The following ELP2 variants were observed in gnomAD, a reference collection of about 807,000 sequenced individuals.
The protein encoded by ELP2 is elongator complex protein 2.
A neutral mutation model predicts 119.2 loss-of-function variants in ELP2; 90 were observed. The observed-to-expected ratio is 0.75, with a 90% confidence interval of 0.64 to 0.90. The LOEUF is 0.90. Ranked by LOEUF, ELP2 falls within the 40% of genes least tolerant of loss-of-function variation. The pLI, the probability that ELP2 is intolerant of heterozygous loss-of-function variation, is 0.00. For missense variants in ELP2, 921 were observed against 967.8 expected (o/e 0.95, Z 0.64); for synonymous variants, 339 against 331.0 (o/e 1.02, Z -0.26).
intron 12 of ELP2, 93 bp downstream of exon 12, chr18:36,155,092 A>G (rs2090525847): frequency 1.2e-5 from 13 of 1,062,186 alleles, no homozygotes; most frequent in Non-Finnish European, 1.8e-5. Context: ...AGCTCACTGC[A>G]GCCTCCGCCA....
chr18:36,157,361 AC>A (rs1232025745), intron 13 of ELP2, among the ~76,000 whole-genome samples: 1 of 152,164 alleles, frequency 6.6e-6, no homozygotes, highest in East Asian at 1.9e-4. Flanking sequence ...AAGGATAAGT[AC>A]CCTTTTGATA....
chr18:36,139,530 T>C (rs1433828685), intron 5 of ELP2: 1 of 1,535,630 alleles, frequency 6.5e-7, no homozygotes, highest in East Asian at 2.4e-5. Flanking sequence ...GCTTCCATTC[T>C]GTGCAAGGCT....
rs1195131906 is a variant in ELP2, at chr18:36,180,236, C to CT, written c.*5598dup. The CT allele has an allele frequency of 6.6e-6, 1 of 152,218 alleles. No individual in the cohort carries two copies. The allele number at this position is 152,218 out of a possible 1,614,324, so 9.4% of individuals were successfully genotyped here. A position where few individuals can be genotyped will look rare whatever the true frequency, so the allele number is the denominator to read the frequency against. ...GGCATGAAGAAAGGCCTGCCCCTGA[C>CT]TTTAAAAACATTTCTTGGAAGTCCC... is the stretch of plus-strand genomic sequence containing the variant. On this transcript the variant is annotated 3_prime_UTR_variant, in exon 22 of 22. Coordinates refer to ENST00000358232, the MANE Select transcript of ELP2 (RefSeq NM_018255.4).
intron 21 of ELP2, among the ~76,000 whole-genome samples, chr18:36,172,307 G>A (rs1383343334): frequency 6.6e-6 from 1 of 152,102 alleles, no homozygotes; most frequent in African/African-American, 2.4e-5. Flanking sequence ...ATATCATTCT[G>A]TGTTATATTT....
chr18:36,167,125 T>A lies in ELP2; in HGVS notation c.1979T>A (p.Phe660Tyr). The change falls in exon 19 of 22, where the codon TTC becomes TAC. Residue 660 changes from phenylalanine (F) to tyrosine (Y), a missense_variant. Physicochemically the swap from Phe to Tyr is conservative, Grantham distance 22. Coordinates refer to ENST00000358232, the MANE Select transcript of ELP2 (RefSeq NM_018255.4). ...GAGCCAGTTTTTAGTCTTTTTGCCTTCACCAACAAAATTACTTCTGTGCAC... is the reference window on the plus strand; with the variant it reads ...GAGCCAGTTTTTAGTCTTTTTGCCTACACCAACAAAATTACTTCTGTGCAC... ...EFEPVFSLFA[F>Y]TNKITSVHSR... 1 of 1,599,776 alleles carries A rather than the reference T, an allele frequency of 6.3e-7. No homozygotes were observed. The highest frequency in any genetic ancestry group is 8.5e-7 in the Non-Finnish European group (1 of 1,173,328).
chr18:36,142,393 G>C, intron 7 of ELP2, 46 bp downstream of exon 7: 1 of 1,457,918 alleles, frequency 6.9e-7, no homozygotes, highest in Non-Finnish European at 9.6e-7. Flanking sequence ...GAACAAATAT[G>C]TGTTACTTCC....
In ELP2 at chr18:36,154,328, T is replaced by G. The variant is rs577726362; in HGVS notation, c.1126-522T>G. On this transcript the variant is annotated intron_variant, in intron 11 of 21. Coordinates refer to ENST00000358232, the MANE Select transcript of ELP2 (RefSeq NM_018255.4). ...GTGAACCAACTAGGTTTGATTCAGTTGTCTGTCCTCTACACCTGTAACTCT... is the reference window on the plus strand; with the variant it reads ...GTGAACCAACTAGGTTTGATTCAGTGGTCTGTCCTCTACACCTGTAACTCT... Among the ~76,000 whole-genome samples, 4 of 152,280 alleles carry G rather than the reference T, an allele frequency of 2.6e-5. No homozygotes were observed. The East Asian group carries it at 7.7e-4, about 29-fold the overall frequency.
intron 11 of ELP2, among the ~76,000 whole-genome samples, chr18:36,149,483 G>GTTTTTTTTTTTTTTTTTTTTTTT (rs561853812): frequency 9.8e-6 from 1 of 101,816 alleles, no homozygotes; most frequent in Non-Finnish European, 1.9e-5. Flanking sequence ...TTTTTGTTTT[G>GTTTTTTTTTTTTTTTTTTTTTTT]TTTTGTTTTT....
chr18:36,150,543 C>T (rs78392054), intron 11 of ELP2, among the ~76,000 whole-genome samples: 8,205 of 152,232 alleles, frequency 0.054, 283 homozygotes, highest in East Asian at 0.097. Flanking sequence ...TGGAAATACT[C>T]TAGTCCAAAC....
intron 21 of ELP2, among the ~76,000 whole-genome samples, chr18:36,172,251 A>G (rs943661076): frequency 6.6e-6 from 1 of 152,182 alleles, no homozygotes; most frequent in African/African-American, 2.4e-5. Context: ...TGGGTGAGTG[A>G]GAGCCTGTCC....
At chr18:36,141,072 A>T in intron 5 of ELP2, 65 bp from the exon 6 acceptor site, 1 of 1,275,658 alleles carries the variant, frequency 7.8e-7, no homozygotes. Context: ...AATCCAGTAC[A>T]GTTGATAAAT....
rs543067334 is a variant in ELP2, at chr18:36,162,439, T to G, written c.1761+1435T>G. Among the ~76,000 whole-genome samples, 3 of 152,340 alleles carry G rather than the reference T, an allele frequency of 2.0e-5. No homozygotes were observed. In the East Asian group the frequency reaches 5.8e-4, roughly 29 times the overall value. Reference sequence around the variant, plus strand: ...GCTGAGTAGTTTTACTTTGTACAGATGTACCACCATTTGTTGATCCATTCA... The same window carrying G: ...GCTGAGTAGTTTTACTTTGTACAGAGGTACCACCATTTGTTGATCCATTCA... On this transcript the variant is annotated intron_variant, in intron 17 of 21. Coordinates refer to ENST00000358232, the MANE Select transcript of ELP2 (RefSeq NM_018255.4).
chr18:36,143,140 G>A (rs1001466919), intron 8 of ELP2, among the ~76,000 whole-genome samples, 174 bp downstream of exon 8: 3 of 150,162 alleles, frequency 2.0e-5, no homozygotes, highest in Non-Finnish European at 3.0e-5. Flanking sequence ...TCTTCACCTC[G>A]GCTGGAGTGC....
chr18:36,168,968 A>G lies in ELP2; in HGVS notation c.2077-1095A>G, dbSNP rs370215398. Among the ~76,000 whole-genome samples, 92 of 113,332 alleles carry G rather than the reference A, an allele frequency of 8.1e-4. 3 individuals carry two copies. In the South Asian group the frequency reaches 0.027, roughly 33 times the overall value. 74.4% of individuals were successfully genotyped at this position (113,332 alleles called of 152,430 possible). On this transcript the variant is annotated intron_variant, in intron 19 of 21. Coordinates refer to ENST00000358232, the MANE Select transcript of ELP2 (RefSeq NM_018255.4). ...AGATGGAGTTTCGCTCTTGTTGCCT[A>G]GGCTGGAGTGCAGTGGCGTGATCTT... is the stretch of plus-strand genomic sequence containing the variant.
chr18:36,149,584 A>G (rs2090332348), intron 11 of ELP2, among the ~76,000 whole-genome samples: 2 of 151,216 alleles, frequency 1.3e-5, no homozygotes, highest in South Asian at 4.2e-4. Flanking sequence ...AGGAGAAAAA[A>G]TAAATTAAAA....
intron 11 of ELP2, among the ~76,000 whole-genome samples, chr18:36,148,901 A>C (rs775625278): frequency 1.3e-5 from 2 of 152,204 alleles, no homozygotes. Flanking sequence ...ATGCACACAC[A>C]GTCAATAATT....
intron 6 of ELP2, 76 bp downstream of exon 6, chr18:36,141,277 T>C: frequency 2.4e-6 from 3 of 1,241,456 alleles, no homozygotes; most frequent in Non-Finnish European, 3.6e-6. Flanking sequence ...ATCCAGATTA[T>C]AGAATTTTAG....
intron 11 of ELP2, among the ~76,000 whole-genome samples, chr18:36,151,701 G>A (rs1016779259): frequency 6.6e-5 from 10 of 151,026 alleles, no homozygotes; most frequent in African/African-American, 2.2e-4. Context: ...AGAAATGATG[G>A]TTGGGCATCC....
intron 11 of ELP2, among the ~76,000 whole-genome samples, chr18:36,152,636 A>G (rs1236690401): frequency 6.6e-6 from 1 of 152,198 alleles, no homozygotes; most frequent in Non-Finnish European, 1.5e-5. Flanking sequence ...TTTTGGGGGT[A>G]AACAGACCTT....
Sources: allele counts gnomAD v4.1 joint callset (sites outside exome capture counted in the v4.1 genomes callset), GRCh38; gene constraint gnomAD v4.1.1; transcripts MANE v1.5; gene names NCBI Gene and HGNC (gene_info 2026-07-23, HGNC 2026-07-21).